PTPRK: variants seen among roughly 807,000 people sequenced by gnomAD.
The protein encoded by PTPRK is protein tyrosine phosphatase receptor type K, also known as receptor-type tyrosine-protein phosphatase kappa.
In PTPRK, 75 loss-of-function variants were observed where a neutral mutation model predicts 178.0. The observed-to-expected ratio is 0.42, with a 90% CI of 0.35 to 0.51. The LOEUF (loss-of-function observed/expected upper bound fraction) is 0.51, where lower values mean the gene tolerates loss of function less well. Ranked by LOEUF, PTPRK falls within the 20% of genes least tolerant of loss-of-function variation. The probability of loss-of-function intolerance (pLI) is 0.02; values close to 1 mark genes in which losing one functional copy is unlikely to be tolerated. For synonymous variants in PTPRK, 637 were observed against 620.6 expected (o/e 1.03, Z -0.39); for missense variants, 1,441 against 1,797.8 (o/e 0.80, Z 3.59).
intron 1 of PTPRK, among the ~76,000 whole-genome samples, chr6:128,448,611 T>C (rs1847338109): frequency 6.6e-6 from 1 of 152,224 alleles, no homozygotes; most frequent in African/African-American, 2.4e-5. Context: ...AATAAGATGC[T>C]AGCTCCTTAC....
chr6:128,278,114 T>G (rs1821021782), intron 3 of PTPRK, among the ~76,000 whole-genome samples: 1 of 150,400 alleles, frequency 6.6e-6, no homozygotes. Context: ...ATGCAGGTGT[T>G]TTTGTGTTTT....
intron 1 of PTPRK, among the ~76,000 whole-genome samples, chr6:128,428,941 GA>G (rs1399263641): frequency 6.6e-6 from 1 of 152,150 alleles, no homozygotes; most frequent in Non-Finnish European, 1.5e-5. Context: ...TAAATGTTCT[GA>G]ACATATTTAA....
At chr6:128,139,213 G>A (rs1795433749) in intron 7 of PTPRK, among the ~76,000 whole-genome samples, 1 of 151,968 alleles carries the variant, frequency 6.6e-6, no homozygotes, top group Non-Finnish European at 1.5e-5. Flanking sequence ...GGAGAACATT[G>A]GATGAAGAAT....
At chr6:128,279,273 T>C (rs902661913) in intron 3 of PTPRK, among the ~76,000 whole-genome samples, 12 of 151,302 alleles carry the variant, frequency 7.9e-5, no homozygotes, top group Admixed American at 7.9e-4. Context: ...TCTGTGAATG[T>C]GTTACAGCTT....
chr6:128,203,350 C>A (rs760110585), intron 6 of PTPRK, among the ~76,000 whole-genome samples: 5 of 152,140 alleles, frequency 3.3e-5, no homozygotes, highest in Non-Finnish European at 7.4e-5. Context: ...TGGAAGCATT[C>A]CCCTTGAAAA....
chr6:128,040,310 T>A (rs1222099886), intron 13 of PTPRK, among the ~76,000 whole-genome samples: 1 of 152,078 alleles, frequency 6.6e-6, no homozygotes, highest in East Asian at 1.9e-4. Context: ...TTTTTTTAAA[T>A]AAGAGTCAAA....
chr6:127,979,786 C>T (rs1028996076), intron 25 of PTPRK, among the ~76,000 whole-genome samples: 3 of 152,180 alleles, frequency 2.0e-5, no homozygotes, highest in Non-Finnish European at 4.4e-5. Flanking sequence ...CTAATTTCTC[C>T]TTGATATGGT....
intron 13 of PTPRK, among the ~76,000 whole-genome samples, chr6:128,038,430 T>C (rs1582653775): frequency 1.1e-5 from 1 of 89,692 alleles, no homozygotes; most frequent in South Asian, 2.3e-4. Flanking sequence ...TGTATGGCTG[T>C]TACATATGCT....
chr6:128,478,591 T>C (rs1748467584), intron 1 of PTPRK, among the ~76,000 whole-genome samples: 1 of 152,110 alleles, frequency 6.6e-6, no homozygotes, highest in African/African-American at 2.4e-5. Context: ...CGGAAAGAGA[T>C]GATTTCAAAT....
Position 128,005,189 on chromosome 6 carries a change from G to A in PTPRK, c.2389C>T (p.His797Tyr), listed in dbSNP as rs1778276017. Residue 797 changes from histidine to tyrosine, a missense_variant, in exon 15 of 30, where the codon CAC becomes TAC. By Grantham distance (83) the His-to-Tyr change is moderately conservative (BLOSUM62 2). Coordinates refer to ENST00000368226, the MANE Select transcript of PTPRK (RefSeq NM_002844.4). ...CTTCGATCCATTGCATTCACCATGT[G>A]AGTCATCTCCTGCCGGGTATTCCCC... ...AMGNTRQEMT[H>Y]MVNAMDRSYA... 2 of 1,611,626 alleles carry A rather than the reference G, an allele frequency of 1.2e-6. No individual in the cohort carries two copies.
intron 2 of PTPRK, among the ~76,000 whole-genome samples, chr6:128,332,059 G>A (rs1462024244): frequency 6.6e-6 from 1 of 152,064 alleles, no homozygotes; most frequent in East Asian, 1.9e-4. Flanking sequence ...CTCCTTCTTA[G>A]GAAGTGGGTG....
intron 13 of PTPRK, among the ~76,000 whole-genome samples, chr6:128,030,737 G>A (rs947856942): frequency 6.6e-6 from 1 of 152,126 alleles, no homozygotes; most frequent in Non-Finnish European, 1.5e-5. Context: ...TAAAGCTTGT[G>A]CACATCAGGC....
chr6:128,026,766 C>T (rs1193493601), intron 13 of PTPRK, among the ~76,000 whole-genome samples: 1 of 152,128 alleles, frequency 6.6e-6, no homozygotes, highest in Non-Finnish European at 1.5e-5. Context: ...TTTTCCTTCT[C>T]ACTGTGATAT....
At chr6:128,240,349 T>G (rs1361981220) in intron 4 of PTPRK, among the ~76,000 whole-genome samples, 199 bp from the exon 5 acceptor site, 2 of 152,184 alleles carry the variant, frequency 1.3e-5, no homozygotes, top group Non-Finnish European at 2.9e-5. Flanking sequence ...TTTTTCTCAA[T>G]AGCTCTATTA....
At chr6:128,004,974 G>T in intron 15 of PTPRK, 110 bp downstream of exon 15, 2 of 874,358 alleles carry the variant, frequency 2.3e-6, no homozygotes, top group Non-Finnish European at 3.4e-6. Context: ...CTTTCTAGCT[G>T]CTTCTCCCCT....
At position 128,456,151 on chromosome 6, in the gene PTPRK, C is replaced by T. The variant is rs377571921; in HGVS notation, c.101-58463G>A. Among the ~76,000 whole-genome samples, 116 of 152,074 alleles carry T rather than the reference C, an allele frequency of 7.6e-4. 1 individual carries two copies. In the East Asian group the frequency reaches 0.011, roughly 15 times the overall value. ...CAGCAGTGGAATGGGGTGACATCATCGATACTCTGAAAATCTGCCCTGACA... is the reference window on the plus strand; with the variant it reads ...CAGCAGTGGAATGGGGTGACATCATTGATACTCTGAAAATCTGCCCTGACA... On this transcript the variant is annotated intron_variant, in intron 1 of 29. Coordinates refer to ENST00000368226, the MANE Select transcript of PTPRK (RefSeq NM_002844.4).
At chr6:128,225,901 A>G (rs1423892640) in intron 5 of PTPRK, among the ~76,000 whole-genome samples, 4 of 152,212 alleles carry the variant, frequency 2.6e-5, no homozygotes, top group African/African-American at 7.2e-5. Context: ...GGTGAATATT[A>G]TAATTCTGAA....
chr6:128,199,180 C>T (rs545267343), intron 6 of PTPRK, among the ~76,000 whole-genome samples: 83 of 152,310 alleles, frequency 5.4e-4, no homozygotes, highest in Middle Eastern at 3.4e-3. Flanking sequence ...TATTCAAATA[C>T]TGCTATTGTA....
chr6:128,003,776 A>C (rs199527281), intron 15 of PTPRK, among the ~76,000 whole-genome samples: 2 of 151,958 alleles, frequency 1.3e-5, no homozygotes, highest in East Asian at 3.9e-4. Flanking sequence ...ATACATCTTT[A>C]TTTTCCGCAA....
Sources: allele counts gnomAD v4.1 joint callset (sites outside exome capture counted in the v4.1 genomes callset), GRCh38; gene constraint gnomAD v4.1.1; transcripts MANE v1.5; gene names NCBI Gene and HGNC (gene_info 2026-07-23, HGNC 2026-07-21).